The following PDE10A variants were observed in gnomAD, a reference collection of about 807,000 sequenced individuals.
PDE10A encodes cAMP and cAMP-inhibited cGMP 3',5'-cyclic phosphodiesterase 10A.
PDE10A carries 39 observed loss-of-function variants against 97.7 expected under a neutral mutation model. The ratio of observed to expected loss-of-function variants is 0.40; its 90% CI spans 0.31 to 0.52. The LOEUF (loss-of-function observed/expected upper bound fraction) is 0.52. Among genes scored for constraint, PDE10A ranks in the 20% least tolerant of loss-of-function variants. The pLI is 0.56. For synonymous variants in PDE10A, 371 were observed against 376.8 expected, an observed-to-expected ratio of 0.98 and a Z score of 0.18; for missense variants, 731 against 1,047.8, an observed-to-expected ratio of 0.70 and a Z score of 4.17.
At chr6:165,645,584 T>C (rs2128422273) in intron 1 of PDE10A, among the ~76,000 whole-genome samples, 1 of 152,194 alleles carries the variant, frequency 6.6e-6, no homozygotes, top group African/African-American at 2.4e-5. Flanking sequence ...CTGGGCGCGG[T>C]GTCTCACGCC....
intron 1 of PDE10A, among the ~76,000 whole-genome samples, chr6:165,681,420 G>A (rs1183887686): frequency 6.7e-6 from 1 of 149,192 alleles, no homozygotes; most frequent in Non-Finnish European, 1.5e-5. Context: ...GTGTGTGTGT[G>A]TGTGTGTGTC....
intron 3 of PDE10A, among the ~76,000 whole-genome samples, chr6:165,456,590 T>C (rs1182537066): frequency 6.6e-6 from 1 of 152,246 alleles, no homozygotes; most frequent in African/African-American, 2.4e-5. Flanking sequence ...TGCTGGGATG[T>C]GGACAGTTTA....
intron 1 of PDE10A, among the ~76,000 whole-genome samples, chr6:165,936,369 A>T (rs1783329672): frequency 6.6e-6 from 1 of 152,232 alleles, no homozygotes; most frequent in Non-Finnish European, 1.5e-5. Flanking sequence ...CTCGTTTAAG[A>T]TCGGCAGAAA....
intron 2 of PDE10A, among the ~76,000 whole-genome samples, chr6:165,529,847 G>A (rs1029595296): frequency 2.6e-5 from 4 of 152,144 alleles, no homozygotes; most frequent in Admixed American, 6.5e-5. Flanking sequence ...CGCAGGAGAC[G>A]TGTATGGGTT....
intron 1 of PDE10A, among the ~76,000 whole-genome samples, chr6:165,861,630 TG>T (rs1472472168): frequency 1.3e-5 from 2 of 151,634 alleles, no homozygotes; most frequent in East Asian, 3.9e-4. Flanking sequence ...GGAGGACAGA[TG>T]GGAGTTCGCT....
intron 16 of PDE10A, among the ~76,000 whole-genome samples, chr6:165,390,105 C>G (rs1312496732): frequency 6.6e-6 from 1 of 152,048 alleles, no homozygotes; most frequent in Non-Finnish European, 1.5e-5. Context: ...AAAGGGGGAA[C>G]AGACTGCATG....
intron 1 of PDE10A, among the ~76,000 whole-genome samples, chr6:165,935,607 A>T (rs954805624): frequency 6.6e-6 from 1 of 152,240 alleles, no homozygotes; most frequent in Non-Finnish European, 1.5e-5. Flanking sequence ...GTTTGAGAGA[A>T]CATTCACTGG....
chr6:165,985,632 C>T (rs935675430), intron 1 of PDE10A, among the ~76,000 whole-genome samples: 2 of 152,214 alleles, frequency 1.3e-5, no homozygotes, highest in African/African-American at 4.8e-5. Context: ...ACGTCCCTCC[C>T]TGCTGTCCCT....
intron 1 of PDE10A, among the ~76,000 whole-genome samples, chr6:165,788,038 T>A (rs1250153380): frequency 6.6e-6 from 1 of 152,238 alleles, no homozygotes; most frequent in East Asian, 1.9e-4. Flanking sequence ...TATTTATTAA[T>A]ATTACACAAT....
chr6:165,951,126 G>C (rs1318714518), intron 1 of PDE10A, among the ~76,000 whole-genome samples: 2 of 152,198 alleles, frequency 1.3e-5, no homozygotes, highest in Non-Finnish European at 2.9e-5. Flanking sequence ...ACACTGTTTA[G>C]GGATGTCAGC....
At chr6:165,527,665 G>T (rs1253818390) in intron 2 of PDE10A, among the ~76,000 whole-genome samples, 1 of 152,148 alleles carries the variant, frequency 6.6e-6, no homozygotes, top group Non-Finnish European at 1.5e-5. Context: ...CCATAAAGTG[G>T]GTCATGCACA....
chr6:165,772,707 T>G (rs2128460159), intron 1 of PDE10A, among the ~76,000 whole-genome samples: 1 of 152,246 alleles, frequency 6.6e-6, no homozygotes, highest in Admixed American at 6.5e-5. Flanking sequence ...GAAAACAAAT[T>G]TAGGGGCGGA....
At chr6:165,702,089 C>A (rs557223536) in intron 1 of PDE10A, among the ~76,000 whole-genome samples, 1 of 152,122 alleles carries the variant, frequency 6.6e-6, no homozygotes, top group Non-Finnish European at 1.5e-5. Flanking sequence ...TAGATTTTCC[C>A]GTAAGTGGCA....
Position 165,448,939 on chromosome 6 carries a change from C to A in PDE10A, c.1183G>T (p.Glu395Ter). 6.2e-7 allele frequency: 1 copy of A among 1,610,506 alleles called. No individual in the cohort carries two copies. Among genetic ancestry groups the A allele is most frequent in the South Asian group, 1.1e-5 (1 of 90,886 alleles). ...ATTTAGATACTTACATTATTGCACT[C>A]TCCAAGGAAATACAGTGCAAATCCA... ...ADGFALYFLG[E>*]CNNSLCIFTP... Residue 395 changes from glutamate (E) to a stop codon, truncating the protein, a stop_gained, in exon 5 of 22, where the codon GAG becomes TAG. Transcript: ENST00000539869. LOFTEE classifies it high-confidence loss of function.
At position 165,894,888 on chromosome 6, in the gene PDE10A, A is replaced by T. The variant is rs556502121; in HGVS notation, c.-615+92641T>A. The stretch of plus-strand genomic sequence containing the variant: ...AGAGCAGTGGCTCTCAACCTGGGGT[A>T]AGTATTAGAAACCCATGGAGCTTTA... On this transcript the variant is annotated intron_variant, in intron 1 of 19. Transcript: ENST00000366882. 1.9e-3 allele frequency among the ~76,000 whole-genome samples: 290 copies of T among 152,352 alleles called. 2 individuals carry two copies. Among genetic ancestry groups the T allele is most frequent in the African/African-American group, 6.7e-3 (279 of 41,588 alleles).
chr6:165,477,720 T>C (rs1281401779), intron 3 of PDE10A, among the ~76,000 whole-genome samples: 2 of 152,050 alleles, frequency 1.3e-5, no homozygotes, highest in Non-Finnish European at 2.9e-5. Flanking sequence ...CTTCGAAACA[T>C]AGAGAAATAA....
intron 6 of PDE10A, among the ~76,000 whole-genome samples, chr6:165,434,206 C>T (rs1479756763): frequency 6.6e-6 from 1 of 150,700 alleles, no homozygotes; most frequent in African/African-American, 2.5e-5. Flanking sequence ...CACAACAGAA[C>T]ATTTTCAAAT....
chr6:165,439,056 C>A (rs1402872580), intron 5 of PDE10A, among the ~76,000 whole-genome samples: 1 of 151,106 alleles, frequency 6.6e-6, no homozygotes, highest in Non-Finnish European at 1.5e-5. Flanking sequence ...TAAATAAGTT[C>A]TAAAGACATT....
At chr6:165,502,155 G>A (rs1384752800) in intron 2 of PDE10A, among the ~76,000 whole-genome samples, 2 of 152,146 alleles carry the variant, frequency 1.3e-5, no homozygotes, top group Non-Finnish European at 2.9e-5. Context: ...ACATATAAGG[G>A]TGAAAACTGT....
Sources: allele counts gnomAD v4.1 joint callset (sites outside exome capture counted in the v4.1 genomes callset), GRCh38; gene constraint gnomAD v4.1.1; transcripts MANE v1.5; gene names NCBI Gene and HGNC (gene_info 2026-07-23, HGNC 2026-07-21).